The following SSC4D variants were observed in gnomAD, a reference collection of about 807,000 sequenced individuals.
SSC4D encodes the protein scavenger receptor cysteine-rich domain-containing group B protein.
In SSC4D, 57 loss-of-function variants were observed where a neutral mutation model predicts 63.4. The ratio of observed to expected loss-of-function variants is 0.90; its 90% CI spans 0.73 to 1.12. The LOEUF is 1.12. SSC4D is among the 50% of genes most tolerant of loss of function. SSC4D has a pLI of 0.00. For synonymous variants in SSC4D, 352 were observed against 345.4 expected (o/e 1.02, Z -0.21); for missense variants, 791 against 806.4 (o/e 0.98, Z 0.23).
chr7:76,396,686 C>T (rs1457107707), intron 6 of SSC4D, among the ~76,000 whole-genome samples: 7 of 152,192 alleles, frequency 4.6e-5, no homozygotes, highest in Non-Finnish European at 8.8e-5. Context: ...CTCAGCTTTC[C>T]CACCTATACA....
At chr7:76,406,543 G>T (rs1437607717) in intron 1 of SSC4D, among the ~76,000 whole-genome samples, 2 of 151,816 alleles carry the variant, frequency 1.3e-5, no homozygotes, top group Non-Finnish European at 2.9e-5. Flanking sequence ...CAGTGCAGTG[G>T]CATGATCATG....
intron 6 of SSC4D, 67 bp downstream of exon 6, chr7:76,397,451 C>T (rs1209514770): frequency 8.4e-6 from 12 of 1,432,964 alleles, no homozygotes; most frequent in South Asian, 1.5e-5. Context: ...GAAGCCTCCT[C>T]CTCCAGCATT....
chr7:76,396,961 G>A (rs1804654936), intron 6 of SSC4D, among the ~76,000 whole-genome samples: 1 of 152,198 alleles, frequency 6.6e-6, no homozygotes, highest in South Asian at 2.1e-4. Flanking sequence ...GTGTTACTCC[G>A]AGTGTTATCC....
intron 9 of SSC4D, 85 bp downstream of exon 9, chr7:76,393,320 A>AGGCCTCGCGCGTGGCGC: frequency 8.0e-7 from 1 of 1,248,786 alleles, no homozygotes; most frequent in Non-Finnish European, 1.0e-6. Context: ...GCCGCAAGAG[A>AGGCCTCGCGCGTGGCGC]GGCCTCGCGC....
intron 2 of SSC4D, among the ~76,000 whole-genome samples, chr7:76,401,927 G>A (rs964424039): frequency 3.9e-5 from 6 of 152,202 alleles, no homozygotes; most frequent in African/African-American, 1.4e-4. Flanking sequence ...CAGATGTTCA[G>A]TAGCTCCACC....
rs1804680672 is a variant in SSC4D, at chr7:76,397,613, C to G, written c.773G>C (p.Cys258Ser). Residue 258 changes from cysteine (C) to serine (S), a missense_variant, in exon 6 of 11, where the codon TGC (cysteine) becomes TCC (serine). Cys to Ser is a moderately radical substitution (Grantham distance 112). Transcript: ENST00000275560. ...TGCCAGGCGGGGCTCGCCGCCTTCG[C>G]AGTGCACGTTGTCCAGCAGGATGTG... ...TGHILLDNVH[C>S]EGGEPRLAAC... The G allele has an allele frequency of 6.2e-6, 10 of 1,612,156 alleles. No homozygotes were observed. The highest frequency in any genetic ancestry group is 8.5e-6 in the Non-Finnish European group (10 of 1,179,464).
chr7:76,392,482 G>A (rs1044103716), intron 9 of SSC4D, among the ~76,000 whole-genome samples: 10 of 151,250 alleles, frequency 6.6e-5, no homozygotes, highest in Non-Finnish European at 1.2e-4. Context: ...CCTGGGTGGC[G>A]GAGGTTGCAG....
Position 76,393,573 on chromosome 7 carries a change from G to T in SSC4D, c.1165C>A (p.Pro389Thr). The T allele has an allele frequency of 6.6e-7, 1 of 1,512,342 alleles. No homozygotes were observed. The highest frequency in any genetic ancestry group is 8.8e-7 in the Non-Finnish European group (1 of 1,136,958). 93.7% of individuals were successfully genotyped at this position (1,512,342 alleles called of 1,614,324 possible). A position where few individuals can be genotyped will look rare whatever the true frequency, so the allele number is the denominator to read the frequency against. Residue 389 changes from proline (P) to threonine (T), a missense_variant, in exon 9 of 11, where the codon CCT becomes ACT. Transcript: ENST00000275560. ...RVACREAGCGPALGATGLGHF... is the reference protein window; with the variant it reads ...RVACREAGCGTALGATGLGHF... ...CCCAGTCCCGTAGCGCCCAGCGCAG[G>T]CCCGCAGCCCGCTTCGCGGCAGGCC... is the stretch of plus-strand genomic sequence containing the variant.
rs1804503153 is a variant in SSC4D, at chr7:76,392,028, C to T, written c.1347G>A (p.Leu449=). 3 of 1,576,970 alleles carry T rather than the reference C, an allele frequency of 1.9e-6. No individual in the cohort carries two copies. Among genetic ancestry groups the T allele is most frequent in the East Asian group, 2.3e-5 (1 of 43,230 alleles). The change falls in exon 10 of 11, where the codon CTG becomes CTA. Residue 449 remains leucine (L), a synonymous_variant. Transcript: ENST00000275560. ...AACCATCCTGCTGGACTTGCAGTCC[C>T]AGCTCCTCTGGGCCTGGTTCAGGAA... ...AGALCAGPEE[L]GLQVQQDGSE...
chr7:76,406,832 A>G (rs1313033143), intron 1 of SSC4D, among the ~76,000 whole-genome samples: 1 of 151,382 alleles, frequency 6.6e-6, no homozygotes, highest in Non-Finnish European at 1.5e-5. Context: ...TGGGCCGAGC[A>G]TTGTAAGCAG....
Position 76,400,530 on chromosome 7 carries a change from G to A in SSC4D, c.231C>T (p.Gly77=), listed in dbSNP as rs1161943065. ...CRGRLEVMHG[G]SWGSVCDDDW... ...CGTCATCACAGACGCTGCCCCAGGAGCCACCGTGCATGACTTCCAGGCGGC... is the reference window on the plus strand; with the variant it reads ...CGTCATCACAGACGCTGCCCCAGGAACCACCGTGCATGACTTCCAGGCGGC... The change falls in exon 4 of 11, where the codon GGC becomes GGT. Residue 77 remains glycine, a synonymous_variant. Transcript: ENST00000275560. 1 of 1,571,720 alleles carries A rather than the reference G, an allele frequency of 6.4e-7. No individual in the cohort carries two copies. The highest frequency in any genetic ancestry group is 8.6e-7 in the Non-Finnish European group (1 of 1,157,594).
At position 76,400,992 on chromosome 7, in the gene SSC4D, G is replaced by A. The variant is rs1428446933; in HGVS notation, c.169+16C>T. 4.5e-6 allele frequency: 7 copies of A among 1,550,880 alleles called. No individual in the cohort carries two copies. The highest frequency in any genetic ancestry group is 2.7e-5 in the African/African-American group (2 of 73,012). On this transcript the variant is annotated intron_variant, in intron 3 of 10. Coordinates refer to ENST00000275560, the MANE Select transcript of SSC4D (RefSeq NM_080744.2). ...CGGACAGGTGAGGGTGAGGAAGGGC[G>A]GGGTGGGGCACCTACCTTGAAAGGG...
At chr7:76,391,163 G>A (rs1228795799) in intron 10 of SSC4D, among the ~76,000 whole-genome samples, 1 of 151,604 alleles carries the variant, frequency 6.6e-6, no homozygotes, top group Non-Finnish European at 1.5e-5. Flanking sequence ...GCCAGGCGCA[G>A]TGGCTCATGC....
intron 4 of SSC4D, 82 bp downstream of exon 4, chr7:76,400,204 G>A (rs2115779256): frequency 7.3e-7 from 1 of 1,366,324 alleles, no homozygotes; most frequent in Non-Finnish European, 9.6e-7. Context: ...TTACCTGTGG[G>A]AAGTCCCTTC....
chr7:76,393,052 G>C (rs531850242), intron 9 of SSC4D, among the ~76,000 whole-genome samples: 4 of 152,292 alleles, frequency 2.6e-5, no homozygotes, highest in Admixed American at 6.5e-5. Flanking sequence ...ATAGAGTTTT[G>C]CGGGGTCTAG....
chr7:76,395,230 G>T, intron 7 of SSC4D, 23 bp downstream of exon 7: 1 of 1,612,830 alleles, frequency 6.2e-7, no homozygotes, highest in Non-Finnish European at 8.5e-7. Flanking sequence ...TACCATTCCC[G>T]CCTGGAGGGC....
intron 6 of SSC4D, among the ~76,000 whole-genome samples, chr7:76,395,811 C>G (rs1804624168): frequency 6.6e-6 from 1 of 152,260 alleles, no homozygotes. Flanking sequence ...CCTGCCTCAG[C>G]TTCCTGAGTA....
intron 7 of SSC4D, among the ~76,000 whole-genome samples, 164 bp from the exon 8 acceptor site, chr7:76,394,068 C>T (rs1804573246): frequency 6.6e-6 from 1 of 152,138 alleles, no homozygotes; most frequent in South Asian, 2.1e-4. Context: ...GTTGGGATCT[C>T]CGGGAAACTT....
In SSC4D at chr7:76,400,578, C is replaced by T. The variant is rs1179435355; in HGVS notation, c.183G>A (p.Val61=). The T allele has an allele frequency of 6.8e-7, 1 of 1,478,258 alleles. No homozygotes were observed. The highest frequency in any genetic ancestry group is 9.0e-7 in the Non-Finnish European group (1 of 1,110,210). The allele number at this position is 1,478,258 out of a possible 1,614,324, so 91.6% of individuals were successfully genotyped here. Reference sequence around the variant, plus strand: ...GGCCCCGGCAGCGGCTGGGGCCCCCCACCAGCCTCAGCTCTGTGAAGAGGG... The same window carrying T: ...GGCCCCGGCAGCGGCTGGGGCCCCCTACCAGCCTCAGCTCTGTGAAGAGGG... ...TPLPFQELRL[V]GGPSRCRGRL... is the part of the protein sequence containing the mutation. The change falls in exon 4 of 11, where the codon GTG becomes GTA. Residue 61 remains valine, a synonymous_variant. Transcript: ENST00000275560.
Sources: allele counts gnomAD v4.1 joint callset (sites outside exome capture counted in the v4.1 genomes callset), GRCh38; gene constraint gnomAD v4.1.1; transcripts MANE v1.5; gene names NCBI Gene and HGNC (gene_info 2026-07-23, HGNC 2026-07-21).